ITPR1: variants seen among roughly 807,000 people sequenced by gnomAD.
The protein encoded by ITPR1 is inositol 1,4,5-trisphosphate receptor type 1.
In ITPR1, 96 loss-of-function variants were observed where a neutral mutation model predicts 318.4. The observed-to-expected ratio is 0.30, with a 90% CI of 0.26 to 0.36. ITPR1 has a LOEUF of 0.36. Among genes scored for constraint, ITPR1 ranks in the 10% least tolerant of loss-of-function variants. ITPR1 has a pLI of 1.00. For synonymous variants in ITPR1, 1,312 were observed against 1,289.9 expected, an observed-to-expected ratio of 1.02 and a Z score of -0.37; for missense variants, 2,440 against 3,460.2, an observed-to-expected ratio of 0.71 and a Z score of 7.40.
chr3:4,714,469 G>A (rs560691924), intron 39 of ITPR1, among the ~76,000 whole-genome samples: 5 of 152,228 alleles, frequency 3.3e-5, no homozygotes, highest in African/African-American at 1.2e-4. Flanking sequence ...ATCTGGAGGG[G>A]CCCTGGCATG....
chr3:4,562,813 C>T (rs977039597), intron 4 of ITPR1, among the ~76,000 whole-genome samples: 1 of 151,788 alleles, frequency 6.6e-6, no homozygotes, highest in Non-Finnish European at 1.5e-5. Flanking sequence ...CAAATGTAGT[C>T]TCTGCCCCCA....
At position 4,641,051 on chromosome 3, in the gene ITPR1, C is replaced by T. The variant is rs9822695; in HGVS notation, c.367-1042C>T. On this transcript the variant is annotated intron_variant, in intron 6 of 61. Transcript: ENST00000649015. ...TTCGGGGATTTGGAGGACCTCCTAA[C>T]AGTTCTAGCAGCTGTATCTGTTACA... Among the ~76,000 whole-genome samples the T allele has an allele frequency of 1.9e-3, 283 of 152,336 alleles. 3 individuals are homozygous for T. The highest frequency in any genetic ancestry group is 6.5e-3 in the African/African-American group (272 of 41,576).
intron 4 of ITPR1, among the ~76,000 whole-genome samples, chr3:4,550,099 C>T (rs1054753738): frequency 6.6e-6 from 1 of 151,798 alleles, no homozygotes; most frequent in East Asian, 1.9e-4. Context: ...TTTTAACATT[C>T]CCCTGTCATT....
At chr3:4,804,330 G>A (rs575541874) in intron 54 of ITPR1, among the ~76,000 whole-genome samples, 9 of 152,318 alleles carry the variant, frequency 5.9e-5, no homozygotes, top group African/African-American at 1.9e-4. Flanking sequence ...AGCAGGGTGC[G>A]CTGGGAGACT....
intron 46 of ITPR1, among the ~76,000 whole-genome samples, chr3:4,773,031 C>G (rs1018568189): frequency 1.3e-5 from 2 of 152,244 alleles, no homozygotes; most frequent in Non-Finnish European, 2.9e-5. Context: ...TGGTAGGTGC[C>G]AGTCCCTGTG....
At chr3:4,711,005 G>A (rs1055659957) in intron 38 of ITPR1, among the ~76,000 whole-genome samples, 26 of 151,830 alleles carry the variant, frequency 1.7e-4, no homozygotes, top group African/African-American at 5.8e-4. Context: ...TGAGGTCAGG[G>A]GTTCAAGACC....
chr3:4,550,034 C>T (rs1339316823), intron 4 of ITPR1, among the ~76,000 whole-genome samples: 3 of 152,164 alleles, frequency 2.0e-5, no homozygotes, highest in Admixed American at 2.0e-4. Context: ...ACTGTTTTGG[C>T]TAATGAAATC....
intron 4 of ITPR1, among the ~76,000 whole-genome samples, chr3:4,585,305 A>C (rs192488819): frequency 2.0e-5 from 3 of 152,294 alleles, no homozygotes; most frequent in Admixed American, 2.0e-4. Flanking sequence ...TAACTGCCTT[A>C]AGTCATTCTG....
intron 12 of ITPR1, among the ~76,000 whole-genome samples, chr3:4,656,769 G>A (rs2093718740): frequency 6.6e-6 from 1 of 152,132 alleles, no homozygotes; most frequent in Non-Finnish European, 1.5e-5. Flanking sequence ...CTGGAAAGGG[G>A]GCAGAGCTTC....
At chr3:4,662,266 A>G (rs758857410) in intron 15 of ITPR1, 24 bp downstream of exon 15, 19 of 1,546,284 alleles carry the variant, frequency 1.2e-5, no homozygotes, top group Non-Finnish European at 1.6e-5. Context: ...CATGCTCAGC[A>G]CAGCCGCCCT....
chr3:4,798,856 C>G lies in ITPR1; in HGVS notation c.6932-1569C>G, dbSNP rs781704610. Among the ~76,000 whole-genome samples, 46 of 152,230 alleles carry G rather than the reference C, an allele frequency of 3.0e-4. No individual in the cohort carries two copies. The Middle Eastern group carries it at 0.014, about 45-fold the overall frequency. ...AGGACTACCTGATAGGATTATTTTC[C>G]CATTTTTATGAAATTCTAGAAAGTG... On this transcript the variant is annotated intron_variant, in intron 53 of 61. Transcript: ENST00000649015.
rs1553643499 is a variant in ITPR1 at position 4,609,083 on chromosome 3, T to TATAC, written c.164-18677_164-18676insCATA. On this transcript the variant is annotated intron_variant, in intron 4 of 61. Transcript: ENST00000649015. ...ATATATATATATATATATATATATA[T>TATAC]ATATATACACACACACGTATGTCAG... 1.5e-4 allele frequency among the ~76,000 whole-genome samples: 14 copies of TATAC among 92,362 alleles called. 1 individual carries two copies. The highest frequency in any genetic ancestry group is 1.4e-3 in the South Asian group (4 of 2,802). The allele number at this position is 92,362 out of a possible 152,430, so 60.6% of individuals were successfully genotyped here.
rs2093756661 is a variant in ITPR1, at chr3:4,658,219, C to G, written c.1092C>G (p.Ile364Met). The change falls in exon 13 of 62, where the codon ATC becomes ATG. Residue 364 changes from isoleucine (I) to methionine (M), a missense_variant. This residue lies in a region of ITPR1 where 101 missense variants were observed against 119.6 expected (regional missense o/e 0.84). Coordinates refer to ENST00000649015, the MANE Select transcript of ITPR1 (RefSeq NM_001378452.1). ...TCTCTGTGCCTGAAGGCAATGACATCTCCTCCATTTTCGAGCTAGATCCCA... is the reference window on the plus strand; with the variant it reads ...TCTCTGTGCCTGAAGGCAATGACATGTCCTCCATTTTCGAGCTAGATCCCA... ...SLVSVPEGND[I>M]SSIFELDPTT... 6.2e-7 allele frequency: 1 copy of G among 1,613,722 alleles called. No individual in the cohort carries two copies. The highest frequency in any genetic ancestry group is 8.5e-7 in the Non-Finnish European group (1 of 1,179,668).
At chr3:4,527,221 G>T (rs2083055476) in intron 4 of ITPR1, among the ~76,000 whole-genome samples, 1 of 152,196 alleles carries the variant, frequency 6.6e-6, no homozygotes, top group East Asian at 1.9e-4. Flanking sequence ...CTGTTGCCCA[G>T]GCTGGATTGC....
At chr3:4,707,043 A>G (rs1051272096) in intron 37 of ITPR1, among the ~76,000 whole-genome samples, 20 of 151,952 alleles carry the variant, frequency 1.3e-4, no homozygotes, top group African/African-American at 4.8e-4. Flanking sequence ...GCCTGGGTTA[A>G]ATTTAAATCC....
At chr3:4,514,171 C>G (rs181514734) in intron 2 of ITPR1, among the ~76,000 whole-genome samples, 3 of 151,990 alleles carry the variant, frequency 2.0e-5, no homozygotes, top group African/African-American at 7.3e-5. Context: ...GGGGATCTTA[C>G]CTCTCTGTAT....
intron 35 of ITPR1, among the ~76,000 whole-genome samples, chr3:4,702,450 A>G (rs1239141198): frequency 6.6e-6 from 1 of 152,202 alleles, no homozygotes; most frequent in Non-Finnish European, 1.5e-5. Flanking sequence ...TATTTTATAC[A>G]TTGGATGAAA....
chr3:4,732,404 C>T (rs1456704931), intron 42 of ITPR1, among the ~76,000 whole-genome samples: 1 of 152,172 alleles, frequency 6.6e-6, no homozygotes, highest in African/African-American at 2.4e-5. Flanking sequence ...TCTTGTCTCA[C>T]TTATATCCCT....
At chr3:4,679,737 C>T (rs571039730) in intron 24 of ITPR1, among the ~76,000 whole-genome samples, 2 of 152,292 alleles carry the variant, frequency 1.3e-5, no homozygotes, top group Non-Finnish European at 2.9e-5. Context: ...ATAAAATTAA[C>T]CATCGCAGTT....
Sources: gnomAD v4.1 joint callset for allele counts (sites outside exome capture counted in the v4.1 genomes callset) on GRCh38, gnomAD v4.1.1 for gene constraint, gnomAD v4.1.1 regional missense constraint, MANE v1.5 for transcripts, NCBI Gene and HGNC (gene_info 2026-07-23, HGNC 2026-07-21) for gene names.